The following LRRTM4 variants were observed in gnomAD, a reference collection of about 807,000 sequenced individuals.
The protein encoded by LRRTM4 is leucine-rich repeat transmembrane neuronal protein 4.
In LRRTM4, 25 loss-of-function variants were observed where a neutral mutation model predicts 47.6. The ratio of observed to expected loss-of-function variants is 0.53; its 90% CI spans 0.38 to 0.73. The LOEUF is 0.73. Among genes scored for constraint, LRRTM4 ranks in the 30% least tolerant of loss-of-function variants. LRRTM4 has a pLI of 0.00. For synonymous variants in LRRTM4, 311 were observed against 269.5 expected, an observed-to-expected ratio of 1.15 and a Z score of -1.51; for missense variants, 638 against 713.4, an observed-to-expected ratio of 0.89 and a Z score of 1.20.
intron 3 of LRRTM4, among the ~76,000 whole-genome samples, chr2:76,849,690 T>G (rs1332450106): frequency 6.6e-6 from 1 of 152,128 alleles, no homozygotes; most frequent in African/African-American, 2.4e-5. Flanking sequence ...ATAATTTTCA[T>G]AGCAAGTCAA....
chr2:77,160,893 T>G (rs987854510), intron 3 of LRRTM4, among the ~76,000 whole-genome samples: 22 of 152,210 alleles, frequency 1.4e-4, no homozygotes, highest in African/African-American at 7.2e-5. Context: ...TTGCACATAG[T>G]CATTATATGA....
At chr2:77,393,899 T>A (rs551852526) in intron 3 of LRRTM4, among the ~76,000 whole-genome samples, 1 of 152,156 alleles carries the variant, frequency 6.6e-6, no homozygotes, top group East Asian at 1.9e-4. Flanking sequence ...CAGGATGTAC[T>A]CATTAATTTG....
chr2:76,899,872 A>G (rs1040206366), intron 3 of LRRTM4, among the ~76,000 whole-genome samples: 11 of 152,176 alleles, frequency 7.2e-5, no homozygotes, highest in Admixed American at 1.3e-4. Flanking sequence ...AAGGCACACA[A>G]CATTGCCTTT....
At chr2:77,240,105 T>G (rs1047441356) in intron 3 of LRRTM4, among the ~76,000 whole-genome samples, 54 of 151,838 alleles carry the variant, frequency 3.6e-4, no homozygotes, top group Admixed American at 3.5e-3. Flanking sequence ...AAAATGAAAT[T>G]AAATTACTAG....
At chr2:76,755,933 CATT>C (rs1201317115) in intron 3 of LRRTM4, among the ~76,000 whole-genome samples, 1 of 152,118 alleles carries the variant, frequency 6.6e-6, no homozygotes, top group Admixed American at 6.5e-5. Context: ...AGACATGCCT[CATT>C]ATACCCACTC....
At chr2:77,221,850 G>A (rs1448725049) in intron 3 of LRRTM4, among the ~76,000 whole-genome samples, 1 of 151,988 alleles carries the variant, frequency 6.6e-6, no homozygotes, top group Non-Finnish European at 1.5e-5. Context: ...TCTGCACCAA[G>A]CAGACCTAAT....
chr2:76,917,368 A>T (rs1409587193), intron 3 of LRRTM4, among the ~76,000 whole-genome samples: 1 of 152,136 alleles, frequency 6.6e-6, no homozygotes, highest in East Asian at 1.9e-4. Flanking sequence ...TCATTCTCAA[A>T]AACAGTCCCA....
intron 3 of LRRTM4, among the ~76,000 whole-genome samples, chr2:77,020,428 A>C (rs976784134): frequency 1.3e-5 from 2 of 152,126 alleles, no homozygotes; most frequent in African/African-American, 4.8e-5. Context: ...AATACTTTAG[A>C]AAGATTTATG....
intron 3 of LRRTM4, among the ~76,000 whole-genome samples, chr2:76,920,662 T>C (rs141669965): frequency 4.6e-5 from 7 of 152,212 alleles, no homozygotes; most frequent in African/African-American, 1.7e-4. Context: ...GGTGTTTTCC[T>C]GTGTGTCTAA....
At chr2:77,099,190 A>G (rs1670886514) in intron 3 of LRRTM4, among the ~76,000 whole-genome samples, 1 of 151,992 alleles carries the variant, frequency 6.6e-6, no homozygotes, top group Admixed American at 6.6e-5. Context: ...GACATCTAAA[A>G]TAGTATTAAT....
intron 3 of LRRTM4, among the ~76,000 whole-genome samples, chr2:76,982,572 G>A (rs940423547): frequency 7.2e-5 from 11 of 152,026 alleles, no homozygotes; most frequent in African/African-American, 2.7e-4. Flanking sequence ...CTTGTATCTA[G>A]AAGAGTCACC....
intron 3 of LRRTM4, among the ~76,000 whole-genome samples, chr2:76,768,757 C>T (rs911494780): frequency 9.2e-5 from 14 of 152,168 alleles, no homozygotes; most frequent in East Asian, 1.9e-4. Context: ...TCATGCAGTA[C>T]GAGAACAAAG....
rs190747249 is a variant in LRRTM4 at position 77,138,463 on chromosome 2, A to G, written c.1551+379855T>C. Among the ~76,000 whole-genome samples, 5 of 152,328 alleles carry G rather than the reference A, an allele frequency of 3.3e-5. No homozygotes were observed. In the East Asian group the frequency reaches 9.6e-4, roughly 29 times the overall value. ...CAACATACCAGAATCTCTGGGACAC[A>G]TTTAAACAGTGTGTAGAGGGAAATT... On this transcript the variant is annotated intron_variant, in intron 3 of 3. Transcript: ENST00000409884.
chr2:77,510,203 G>A (rs1274734573), intron 3 of LRRTM4, among the ~76,000 whole-genome samples: 1 of 152,034 alleles, frequency 6.6e-6, no homozygotes, highest in Non-Finnish European at 1.5e-5. Context: ...TATTTTTAAG[G>A]TGTCATTTGA....
At chr2:76,813,061 G>C (rs150007643) in intron 3 of LRRTM4, among the ~76,000 whole-genome samples, 2,692 of 152,062 alleles carry the variant, frequency 0.018, 100 homozygotes, top group African/African-American at 0.061. Flanking sequence ...CTACTTGGGA[G>C]ACTGAGGCAG....
chr2:76,991,946 T>G (rs113491925), intron 3 of LRRTM4, among the ~76,000 whole-genome samples: 2 of 151,892 alleles, frequency 1.3e-5, no homozygotes, highest in African/African-American at 4.8e-5. Flanking sequence ...CACAATAAAC[T>G]AGGCTTTATT....
At chr2:76,970,770 T>C (rs1184963768) in intron 3 of LRRTM4, among the ~76,000 whole-genome samples, 1 of 152,056 alleles carries the variant, frequency 6.6e-6, no homozygotes, top group African/African-American at 2.4e-5. Context: ...CTGATTGGAT[T>C]GGAAGGTGTT....
intron 3 of LRRTM4, among the ~76,000 whole-genome samples, chr2:76,864,151 A>G (rs1672398758): frequency 6.6e-6 from 1 of 151,962 alleles, no homozygotes; most frequent in African/African-American, 2.4e-5. Context: ...CCAGTATTTT[A>G]ATGTGACCAT....
At chr2:77,233,010 A>C (rs1675009566) in intron 3 of LRRTM4, among the ~76,000 whole-genome samples, 1 of 152,226 alleles carries the variant, frequency 6.6e-6, no homozygotes. Flanking sequence ...AATATAAATT[A>C]GTGGATGAAA....
Sources: gnomAD v4.1 joint callset for allele counts (sites outside exome capture counted in the v4.1 genomes callset) on GRCh38, gnomAD v4.1.1 for gene constraint, MANE v1.5 for transcripts, NCBI Gene and HGNC (gene_info 2026-07-23, HGNC 2026-07-21) for gene names.